Variants in PCDHGA1 observed in about 807,000 individuals in gnomAD.
PCDHGA1 encodes the protein protocadherin gamma-A1.
PCDHGA1 carries 32 observed loss-of-function variants against 58.0 expected under a neutral mutation model. The observed-to-expected ratio is 0.55, with a 90% confidence interval of 0.42 to 0.74. The LOEUF (loss-of-function observed/expected upper bound fraction) is 0.74, where lower values mean the gene tolerates loss of function less well. Ranked by LOEUF, PCDHGA1 falls within the 30% of genes least tolerant of loss-of-function variation. PCDHGA1 has a pLI of 0.00. For missense variants in PCDHGA1, 1,205 were observed against 1,182.3 expected, an observed-to-expected ratio of 1.02 and a Z score of -0.28; for synonymous variants, 498 against 501.1, an observed-to-expected ratio of 0.99 and a Z score of 0.08.
chr5:141,397,700 G>A (rs2093557870), intron 1 of PCDHGA1, among the ~76,000 whole-genome samples: 2 of 152,224 alleles, frequency 1.3e-5, no homozygotes, highest in Admixed American at 1.3e-4. Flanking sequence ...AAAACCCAAC[G>A]TGATATTTCT....
intron 1 of PCDHGA1, chr5:141,414,141 A>T (rs1162904324): frequency 1.3e-6 from 2 of 1,597,216 alleles, no homozygotes; most frequent in East Asian, 2.3e-5. Context: ...ATGAAATAGA[A>T]ATACAAGCAG....
intron 1 of PCDHGA1, chr5:141,383,834 C>T: frequency 2.5e-6 from 4 of 1,613,906 alleles, no homozygotes; most frequent in Non-Finnish European, 3.4e-6. Context: ...TATGAAGAAA[C>T]TGCCTTCTAT....
At position 141,332,835 on chromosome 5, in the gene PCDHGA1, G is replaced by A. The variant is rs1756430641; in HGVS notation, c.2151G>A (p.Arg717=). 6 of 1,614,238 alleles carry A rather than the reference G, an allele frequency of 3.7e-6. No individual in the cohort carries two copies. Among genetic ancestry groups the A allele is most frequent in the Non-Finnish European group, 5.1e-6 (6 of 1,180,048 alleles). ...TCGTGCTGCTGGCGCACAGGCTGCG[G>A]CGCTGGCACAAGTCACGTCTGCTAC... The part of the protein sequence containing the change: ...FVIVLLAHRL[R]RWHKSRLLQA... Residue 717 remains arginine, a synonymous_variant, in exon 1 of 4, where the codon CGG becomes CGA. Transcript: ENST00000517417. The surrounding 1 kb of genome is among the most constrained non-coding windows in gnomAD (Gnocchi z 4.6).
At chr5:141,422,424 T>G (rs1182660567) in intron 1 of PCDHGA1, 3 of 1,607,958 alleles carry the variant, frequency 1.9e-6, no homozygotes, top group Non-Finnish European at 2.5e-6. Flanking sequence ...AAAAGACTTA[T>G]GGAAATTATT....
chr5:141,349,375 A>G (rs2149752585), intron 1 of PCDHGA1, among the ~76,000 whole-genome samples: 1 of 152,240 alleles, frequency 6.6e-6, no homozygotes, highest in Non-Finnish European at 1.5e-5. Flanking sequence ...AGAGTATTTA[A>G]TATACATTCA....
intron 1 of PCDHGA1, chr5:141,405,449 T>A: frequency 6.2e-6 from 8 of 1,283,878 alleles, no homozygotes; most frequent in South Asian, 1.4e-5. Context: ...AGACAGAGTC[T>A]TACTCTGTTA....
At chr5:141,384,479 A>T (rs1457273587) in intron 1 of PCDHGA1, 2 of 1,614,064 alleles carry the variant, frequency 1.2e-6, no homozygotes, top group South Asian at 2.2e-5. Context: ...CAGTTGAGAG[A>T]ACTACAACTA....
chr5:141,421,593 G>A lies in PCDHGA1; in HGVS notation c.2422-73214G>A, dbSNP rs780085355. ...CCTTGAAGATTTACGGAGTGGAGGTGGAAATAATAGATATTAATGATAACG... is the reference window on the plus strand; with the variant it reads ...CCTTGAAGATTTACGGAGTGGAGGTAGAAATAATAGATATTAATGATAACG... On this transcript the variant is annotated intron_variant, in intron 1 of 3. Coordinates refer to ENST00000517417, the MANE Select transcript of PCDHGA1 (RefSeq NM_018912.3). 6 of 1,613,840 alleles carry A rather than the reference G, an allele frequency of 3.7e-6. No individual in the cohort carries two copies. In the East Asian group the frequency reaches 1.1e-4, roughly 30 times the overall value.
At chr5:141,365,482 C>T (rs1158935683) in intron 1 of PCDHGA1, 2 of 1,613,836 alleles carry the variant, frequency 1.2e-6, no homozygotes, top group Non-Finnish European at 1.7e-6. Context: ...AGATTGCATG[C>T]TCTATTCCTA....
At chr5:141,414,097 T>C (rs1442366960) in intron 1 of PCDHGA1, 1 of 1,594,352 alleles carries the variant, frequency 6.3e-7, no homozygotes, top group South Asian at 1.1e-5. Context: ...AATAAAAATA[T>C]CAGAAAATCT....
intron 1 of PCDHGA1, among the ~76,000 whole-genome samples, chr5:141,461,100 T>C (rs926482549): frequency 1.1e-4 from 16 of 152,062 alleles, no homozygotes; most frequent in African/African-American, 3.6e-4. Context: ...TATAAACATA[T>C]GTGTCCAAGT....
chr5:141,346,076 C>G (rs968869556), intron 1 of PCDHGA1: 12 of 1,613,518 alleles, frequency 7.4e-6, no homozygotes, highest in Non-Finnish European at 1.0e-5. Flanking sequence ...TCGAGCCCTC[C>G]GCCAAACCCA....
intron 1 of PCDHGA1, chr5:141,420,154 T>C (rs2096470856): frequency 2.5e-6 from 4 of 1,613,948 alleles, no homozygotes; most frequent in Non-Finnish European, 2.5e-6. Flanking sequence ...ATCCAGAATT[T>C]AATTTTTTCA....
chr5:141,386,593 A>G (rs1350788918), intron 1 of PCDHGA1, among the ~76,000 whole-genome samples: 3 of 151,446 alleles, frequency 2.0e-5, no homozygotes, highest in African/African-American at 7.3e-5. Context: ...TGTGGGGGAT[A>G]CATTTTTTTT....
intron 1 of PCDHGA1, chr5:141,360,708 T>A: frequency 6.2e-7 from 1 of 1,613,948 alleles, no homozygotes; most frequent in Non-Finnish European, 8.5e-7. Context: ...GTCGTAAATA[T>A]CCTGAGTTGA....
At chr5:141,392,885 G>C in intron 1 of PCDHGA1, 1 of 1,613,654 alleles carries the variant, frequency 6.2e-7, no homozygotes, top group Non-Finnish European at 8.5e-7. Flanking sequence ...GAACGCTGTG[G>C]GAAATCGGGA....
chr5:141,359,980 TAGAG>T (rs1761379708), intron 1 of PCDHGA1: 2 of 851,316 alleles, frequency 2.3e-6, no homozygotes, highest in African/African-American at 3.4e-5. Context: ...GGGAGCCTCT[TAGAG>T]GGGAACTTCC....
intron 1 of PCDHGA1, chr5:141,333,402 C>A: frequency 3.9e-6 from 2 of 507,902 alleles, no homozygotes; most frequent in Admixed American, 7.7e-5. Context: ...GATCTAGCTT[C>A]TAACATTTTC....
intron 1 of PCDHGA1, among the ~76,000 whole-genome samples, chr5:141,457,253 T>C (rs986838327): frequency 1.4e-4 from 22 of 152,196 alleles, no homozygotes; most frequent in Admixed American, 1.4e-3. Flanking sequence ...CTTGCCAACA[T>C]ATAGAATTCC....
Sources: allele counts gnomAD v4.1 joint callset (sites outside exome capture counted in the v4.1 genomes callset), GRCh38; gene constraint gnomAD v4.1.1; non-coding constraint Gnocchi (gnomAD v3.1); transcripts MANE v1.5; gene names NCBI Gene and HGNC (gene_info 2026-07-23, HGNC 2026-07-21).